The following BMPR2 variants were observed in gnomAD, a reference collection of about 807,000 sequenced individuals.
The protein encoded by BMPR2 is bone morphogenetic protein receptor type 2.
BMPR2 carries 29 observed loss-of-function variants against 100.8 expected under a neutral mutation model. That is an observed-to-expected ratio of 0.29 (90% CI 0.21 to 0.39). The LOEUF is 0.39. BMPR2 is among the 10% of genes least tolerant of loss of function. The pLI, the probability that BMPR2 is intolerant of heterozygous loss-of-function variation, is 1.00. For synonymous variants in BMPR2, 382 were observed against 442.3 expected, an observed-to-expected ratio of 0.86 and a Z score of 1.71; for missense variants, 1,011 against 1,274.5, an observed-to-expected ratio of 0.79 and a Z score of 3.15.
At chr2:202,410,278 C>T (rs1690987135) in intron 1 of BMPR2, among the ~76,000 whole-genome samples, 1 of 151,968 alleles carries the variant, frequency 6.6e-6, no homozygotes, top group Middle Eastern at 3.5e-3. Flanking sequence ...AGTCACCATG[C>T]CCGGCCCCAG....
At chr2:202,400,265 C>T (rs1374807515) in intron 1 of BMPR2, among the ~76,000 whole-genome samples, 2 of 151,950 alleles carry the variant, frequency 1.3e-5, no homozygotes, top group Non-Finnish European at 1.5e-5. Flanking sequence ...CTTCAGCCTC[C>T]TGAGTAGCTA....
At position 202,449,961 on chromosome 2, in the gene BMPR2, A is replaced by T. The variant is rs943615591; in HGVS notation, c.77-14848A>T. On this transcript the variant is annotated intron_variant, in intron 1 of 12. Coordinates refer to ENST00000374580, the MANE Select transcript of BMPR2 (RefSeq NM_001204.7). ...TCTCTACTAAAAATACAAAAAAAAA[A>T]TAGCCAGGCTTGATGGCATGCACGT... 2.6e-5 allele frequency among the ~76,000 whole-genome samples: 4 copies of T among 152,124 alleles called. No homozygotes were observed. In the South Asian group the frequency reaches 8.3e-4, roughly 32 times the overall value.
intron 1 of BMPR2, among the ~76,000 whole-genome samples, chr2:202,389,100 C>A (rs1038607373): frequency 6.6e-6 from 1 of 151,942 alleles, no homozygotes; most frequent in African/African-American, 2.4e-5. Flanking sequence ...GAGTGTGAGT[C>A]TGTAGTACCA....
Position 202,516,623 on chromosome 2 carries a change from A to C in BMPR2, c.621+1644A>C, listed in dbSNP as rs903748227. ...AGCCCAAGAGGTAGAGGTTGTGGTT[A>C]GCCTAGGTGACAGAGACCCTGTCTC... On this transcript the variant is annotated intron_variant, in intron 5 of 12. Transcript: ENST00000374580. Among the ~76,000 whole-genome samples the C allele has an allele frequency of 2.6e-5, 4 of 152,298 alleles. No homozygotes were observed. In the South Asian group the frequency reaches 8.3e-4, roughly 32 times the overall value.
At chr2:202,549,740 CTG>C (rs1559072311) in intron 10 of BMPR2, among the ~76,000 whole-genome samples, 1 of 122,298 alleles carries the variant, frequency 8.2e-6, no homozygotes, top group Non-Finnish European at 1.7e-5. Context: ...GAGCAAGACT[CTG>C]TCTCAAAAAA....
At position 202,412,467 on chromosome 2, in the gene BMPR2, C is replaced by T. The variant is rs752450721; in HGVS notation, c.76+34917C>T. 6.6e-5 allele frequency among the ~76,000 whole-genome samples: 10 copies of T among 151,982 alleles called. No homozygotes were observed. In the East Asian group the frequency reaches 9.7e-4, roughly 15 times the overall value. ...CCGAGTAGCTGGGACTACAGGTGCC[C>T]GCCACCATGCCCTGCTAATTTTTTT... On this transcript the variant is annotated intron_variant, in intron 1 of 12. Coordinates refer to ENST00000374580, the MANE Select transcript of BMPR2 (RefSeq NM_001204.7).
At chr2:202,535,364 C>T (rs1250081973) in intron 9 of BMPR2, among the ~76,000 whole-genome samples, 1 of 150,192 alleles carries the variant, frequency 6.7e-6, no homozygotes, top group African/African-American at 2.5e-5. Flanking sequence ...CCTCACTTCT[C>T]AGACGGGGCG....
intron 1 of BMPR2, among the ~76,000 whole-genome samples, chr2:202,455,140 A>C (rs906958037): frequency 6.6e-6 from 1 of 152,240 alleles, no homozygotes; most frequent in Non-Finnish European, 1.5e-5. Context: ...GGGGGACACA[A>C]TTTTAAGTCT....
chr2:202,393,930 A>AGAGAGG (rs1690608218), intron 1 of BMPR2, among the ~76,000 whole-genome samples: 1 of 128,440 alleles, frequency 7.8e-6, no homozygotes, highest in African/African-American at 3.1e-5. Flanking sequence ...AGAGAGAGAG[A>AGAGAGG]GAGATTCCTG....
chr2:202,533,355 C>T (rs1356924844), intron 9 of BMPR2, among the ~76,000 whole-genome samples: 1 of 151,652 alleles, frequency 6.6e-6, no homozygotes, highest in African/African-American at 2.4e-5. Flanking sequence ...AGTTCGAGAC[C>T]AACCTGACCA....
chr2:202,381,040 T>C (rs1013866284), intron 1 of BMPR2, among the ~76,000 whole-genome samples: 1 of 133,866 alleles, frequency 7.5e-6, no homozygotes, highest in Non-Finnish European at 1.6e-5. Flanking sequence ...AGTGGCGCCA[T>C]CTCAGCTCAC....
At chr2:202,485,716 T>G (rs1185339264) in intron 3 of BMPR2, among the ~76,000 whole-genome samples, 1 of 151,810 alleles carries the variant, frequency 6.6e-6, no homozygotes, top group Non-Finnish European at 1.5e-5. Flanking sequence ...CTGCTTATTT[T>G]GTATTTTTGG....
At chr2:202,493,055 A>G in intron 3 of BMPR2, among the ~76,000 whole-genome samples, 1 of 152,194 alleles carries the variant, frequency 6.6e-6, no homozygotes, top group South Asian at 2.1e-4. Flanking sequence ...TGAATTTAGA[A>G]CTGTCATTTT....
chr2:202,433,923 A>T (rs1471811722), intron 1 of BMPR2, among the ~76,000 whole-genome samples: 1 of 150,548 alleles, frequency 6.6e-6, no homozygotes, highest in Non-Finnish European at 1.5e-5. Context: ...TAAATAAATA[A>T]AAAAGGACAG....
At chr2:202,413,226 T>G (rs1691049200) in intron 1 of BMPR2, among the ~76,000 whole-genome samples, 1 of 152,166 alleles carries the variant, frequency 6.6e-6, no homozygotes. Flanking sequence ...TTGCTGGTGA[T>G]TTCACTGTTC....
intron 3 of BMPR2, among the ~76,000 whole-genome samples, chr2:202,481,263 C>T (rs1034700875): frequency 4.6e-5 from 7 of 152,124 alleles, no homozygotes; most frequent in African/African-American, 7.2e-5. Flanking sequence ...ACTGCAACCT[C>T]CGCCTCCCAG....
chr2:202,448,517 C>T (rs1046574578), intron 1 of BMPR2, among the ~76,000 whole-genome samples: 3 of 150,506 alleles, frequency 2.0e-5, no homozygotes, highest in Admixed American at 2.0e-4. Flanking sequence ...AGTGCAATGA[C>T]TTGGTCTTGG....
chr2:202,515,300 A>C (rs1175797634), intron 5 of BMPR2, among the ~76,000 whole-genome samples: 1 of 152,124 alleles, frequency 6.6e-6, no homozygotes, highest in African/African-American at 2.4e-5. Context: ...GGCCAGGCGC[A>C]GTGGCTCATG....
At chr2:202,447,288 G>A (rs1166077141) in intron 1 of BMPR2, among the ~76,000 whole-genome samples, 6 of 150,460 alleles carry the variant, frequency 4.0e-5, no homozygotes, top group African/African-American at 2.5e-5. Context: ...GAGCCTGGGC[G>A]ATGCTGTGAG....
Sources: allele counts gnomAD v4.1 joint callset (sites outside exome capture counted in the v4.1 genomes callset), GRCh38; gene constraint gnomAD v4.1.1; transcripts MANE v1.5; gene names NCBI Gene and HGNC (gene_info 2026-07-23, HGNC 2026-07-21).